SKAP2: variants seen among roughly 807,000 people sequenced by gnomAD.
SKAP2 encodes the protein src kinase associated phosphoprotein 2, also known as src kinase-associated phosphoprotein 2.
A neutral mutation model predicts 54.9 loss-of-function variants in SKAP2; 28 were observed. The observed-to-expected ratio is 0.51, with a 90% CI of 0.38 to 0.70. SKAP2 has a LOEUF of 0.70. Ranked by LOEUF, SKAP2 falls within the 30% of genes least tolerant of loss-of-function variation. The pLI is 0.00. For missense variants in SKAP2, 356 were observed against 424.1 expected (o/e 0.84, Z 1.41); for synonymous variants, 137 against 134.3 (o/e 1.02, Z -0.14).
At chr7:26,767,889 T>C (rs138791498) in intron 4 of SKAP2, among the ~76,000 whole-genome samples, 1,801 of 152,326 alleles carry the variant, frequency 0.012, 34 homozygotes, top group African/African-American at 0.04. Flanking sequence ...AATTATGTGG[T>C]CAATTTTAGA....
chr7:26,786,765 C>T (rs1430530595), intron 4 of SKAP2, among the ~76,000 whole-genome samples: 1 of 152,210 alleles, frequency 6.6e-6, no homozygotes, highest in Admixed American at 6.5e-5. Context: ...TCTGTACAAA[C>T]TGACAGTTCT....
chr7:26,864,507 T>C lies in SKAP2; in HGVS notation c.-78A>G, dbSNP rs1443285538. The C allele has an allele frequency of 1.3e-6, 2 of 1,517,480 alleles. No individual in the cohort carries two copies. Among genetic ancestry groups the C allele is most frequent in the South Asian group, 2.6e-5 (2 of 77,914 alleles). 94.0% of individuals were successfully genotyped at this position (1,517,480 alleles called of 1,614,324 possible). ...ACGGGGTGGGGCTGCGGCTGCGACC[T>C]AGACTCAGGCTAGCGGCCCGGATTA... On this transcript the variant is annotated 5_prime_UTR_variant, in exon 1 of 13. Coordinates refer to ENST00000345317, the MANE Select transcript of SKAP2 (RefSeq NM_003930.5).
intron 4 of SKAP2, among the ~76,000 whole-genome samples, chr7:26,774,519 A>G (rs9719779): frequency 6.2e-5 from 8 of 128,890 alleles, no homozygotes; most frequent in African/African-American, 1.1e-4. Flanking sequence ...GTGTGTGTGT[A>G]TGTATATATA....
intron 6 of SKAP2, among the ~76,000 whole-genome samples, chr7:26,735,116 C>T (rs1290632017): frequency 6.6e-6 from 1 of 152,118 alleles, no homozygotes; most frequent in Non-Finnish European, 1.5e-5. Flanking sequence ...AGCATCCTTC[C>T]CTCTCTCACT....
chr7:26,763,426 A>T (rs945149734), intron 4 of SKAP2, among the ~76,000 whole-genome samples: 9 of 152,156 alleles, frequency 5.9e-5, no homozygotes, highest in African/African-American at 1.9e-4. Context: ...CCATGTCAGG[A>T]GTTAACATGA....
At chr7:26,845,046 G>C (rs1784895447) in intron 3 of SKAP2, among the ~76,000 whole-genome samples, 1 of 152,064 alleles carries the variant, frequency 6.6e-6, no homozygotes, top group Non-Finnish European at 1.5e-5. Context: ...TCACAACAAA[G>C]AAAAAAGTAT....
intron 4 of SKAP2, among the ~76,000 whole-genome samples, chr7:26,781,783 C>A (rs1347891243): frequency 6.6e-6 from 1 of 152,174 alleles, no homozygotes; most frequent in East Asian, 1.9e-4. Flanking sequence ...ACCTCCACCA[C>A]TTTTCTAGAC....
intron 6 of SKAP2, among the ~76,000 whole-genome samples, chr7:26,728,429 C>T (rs77420650): frequency 1.6e-4 from 24 of 151,962 alleles, no homozygotes; most frequent in East Asian, 1.4e-3. Flanking sequence ...ATTATTTGTC[C>T]GCGGAATCAT....
At chr7:26,716,679 G>A (rs1341116907) in intron 9 of SKAP2, among the ~76,000 whole-genome samples, 1 of 151,846 alleles carries the variant, frequency 6.6e-6, no homozygotes, top group Non-Finnish European at 1.5e-5. Flanking sequence ...GTTTTACGTG[G>A]TCACCTTTTA....
At chr7:26,685,947 G>A (rs1786630303) in intron 10 of SKAP2, among the ~76,000 whole-genome samples, 2 of 152,180 alleles carry the variant, frequency 1.3e-5, no homozygotes, top group Admixed American at 6.6e-5. Context: ...TGAATTCTGA[G>A]GGGATAACTG....
chr7:26,781,449 C>T (rs751957030), intron 4 of SKAP2, among the ~76,000 whole-genome samples: 3 of 152,010 alleles, frequency 2.0e-5, no homozygotes, highest in Non-Finnish European at 4.4e-5. Flanking sequence ...AAATACCAAC[C>T]AGGGTGCTAC....
In SKAP2 at chr7:26,765,875, T is replaced by C. The variant is rs146103136; in HGVS notation, c.308-25911A>G. Among the ~76,000 whole-genome samples, 10 of 152,324 alleles carry C rather than the reference T, an allele frequency of 6.6e-5. No homozygotes were observed. The East Asian group carries it at 1.9e-3, about 29-fold the overall frequency. On this transcript the variant is annotated intron_variant, in intron 4 of 12. Coordinates refer to ENST00000345317, the MANE Select transcript of SKAP2 (RefSeq NM_003930.5). ...CATGCTGTTTGGGTTACCATAGCCT[T>C]GTAGTATAGTTTGAAGTCAGGTAGC...
At chr7:26,765,181 G>A (rs10951146) in intron 4 of SKAP2, among the ~76,000 whole-genome samples, 45,005 of 151,990 alleles carry the variant, frequency 0.3, 6,935 homozygotes, top group Non-Finnish European at 0.33. Context: ...TCTAACTGAC[G>A]TGAAATGGTA....
intron 9 of SKAP2, among the ~76,000 whole-genome samples, chr7:26,709,788 C>T (rs1787256428): frequency 6.6e-6 from 1 of 152,050 alleles, no homozygotes. Flanking sequence ...ATGTCTTGCT[C>T]GAGATGACTA....
chr7:26,704,467 A>G (rs1357632007), intron 9 of SKAP2, among the ~76,000 whole-genome samples: 2 of 152,200 alleles, frequency 1.3e-5, no homozygotes, highest in Non-Finnish European at 2.9e-5. Flanking sequence ...AAATACAGCA[A>G]ATTAAAGCAC....
chr7:26,864,390 G>A lies in SKAP2; in HGVS notation c.40C>T (p.Pro14Ser), dbSNP rs1335708568. 1.2e-6 allele frequency: 2 copies of A among 1,613,326 alleles called. No individual in the cohort carries two copies. Among genetic ancestry groups the A allele is most frequent in the Non-Finnish European group, 1.7e-6 (2 of 1,179,618 alleles). ...GCCAACAGGTTCCTAATTTCCTCAG[G>A]GAGGGGGTAGGGAGAGGAGGTGCTG... The part of the protein sequence containing the change: ...PSSTSSPYPL[P>S]EEIRNLLADV... The change falls in exon 1 of 13, where the codon CCT becomes TCT. Residue 14 changes from proline (P) to serine (S), a missense_variant. Coordinates refer to ENST00000345317, the MANE Select transcript of SKAP2 (RefSeq NM_003930.5).
chr7:26,812,902 G>A (rs751914857), intron 4 of SKAP2, among the ~76,000 whole-genome samples: 9 of 151,310 alleles, frequency 5.9e-5, no homozygotes, highest in Non-Finnish European at 1.3e-4. Context: ...AACTCAAACT[G>A]TCCTCCCCAA....
At chr7:26,847,302 T>C (rs1027018774) in intron 3 of SKAP2, among the ~76,000 whole-genome samples, 2 of 152,144 alleles carry the variant, frequency 1.3e-5, no homozygotes, top group African/African-American at 4.8e-5. Flanking sequence ...GATGGTCTTC[T>C]TCATCTTACC....
chr7:26,715,440 G>A (rs1329748788), intron 9 of SKAP2, among the ~76,000 whole-genome samples: 1 of 151,424 alleles, frequency 6.6e-6, no homozygotes, highest in Non-Finnish European at 1.5e-5. Context: ...AGCCTTTATA[G>A]TTCTGTCATC....
Sources: gnomAD v4.1 joint callset for allele counts (sites outside exome capture counted in the v4.1 genomes callset) on GRCh38, gnomAD v4.1.1 for gene constraint, MANE v1.5 for transcripts, NCBI Gene and HGNC (gene_info 2026-07-23, HGNC 2026-07-21) for gene names.